Variants in FANCB observed in about 807,000 individuals in gnomAD.
FANCB encodes the protein Fanconi anemia group B protein.
In FANCB, 5 loss-of-function variants were observed where a neutral mutation model predicts 38.9. That is an observed-to-expected ratio of 0.13 (90% CI 0.07 to 0.27). The LOEUF is 0.27. FANCB is among the 10% of genes least tolerant of loss of function. FANCB has a pLI of 1.00. For synonymous variants in FANCB, 236 were observed against 215.4 expected (o/e 1.10, Z -0.84); for missense variants, 573 against 602.7 (o/e 0.95, Z 0.52).
At chrX:14,761,182 T>C in the FANCB span, among the ~76,000 whole-genome samples, 1 of 111,651 alleles carries the variant, frequency 9.0e-6, no homozygotes, top group African/African-American at 3.3e-5. Flanking sequence ...ATTTTTTATT[T>C]TGTAGAGATA....
chrX:14,834,806 A>C, downstream of FANCB: 1 of 556,612 alleles, frequency 1.8e-6, no homozygotes, highest in African/African-American at 2.2e-5. Context: ...CAGTTTCCTC[A>C]TCATCAAAAT....
the FANCB span, among the ~76,000 whole-genome samples, chrX:14,732,365 A>G: frequency 1.1e-4 from 12 of 112,205 alleles, no homozygotes; most frequent in Non-Finnish European, 2.1e-4. Flanking sequence ...GTATCTTTAT[A>G]GCAGAATGAT....
intron 1 of FANCB, among the ~76,000 whole-genome samples, chrX:14,871,312 G>A (rs1183354746): frequency 9.0e-6 from 1 of 111,605 alleles, no homozygotes; most frequent in Non-Finnish European, 1.9e-5. Flanking sequence ...TTAAAGGTGT[G>A]AGTGAGATCA....
the FANCB span, among the ~76,000 whole-genome samples, chrX:14,819,564 T>C: frequency 9.0e-6 from 1 of 111,614 alleles, no homozygotes; most frequent in African/African-American, 3.3e-5. Flanking sequence ...CAGAGGAACC[T>C]GGTTTTTGTT....
chrX:14,690,747 T>C, the FANCB span: 2 of 1,204,097 alleles, frequency 1.7e-6, no homozygotes, highest in Non-Finnish European at 2.2e-6. Flanking sequence ...TGGATGGCGG[T>C]GTGCCTTCTG....
chrX:14,844,648 C>T lies in FANCB; in HGVS notation c.2020G>A (p.Val674Met). Residue 674 changes from valine (V) to methionine (M), a missense_variant, in exon 9 of 10, where the codon GTG becomes ATG. Physicochemically the swap from Val to Met is conservative, Grantham distance 21. Transcript: ENST00000650831. ...CATTTCATATGTTCTAAGAGCCACACCTTCATTGAATTCAGGGCATAGCCG... is the reference window on the plus strand; with the variant it reads ...CATTTCATATGTTCTAAGAGCCACATCTTCATTGAATTCAGGGCATAGCCG... ...SPGYALNSMK[V>M]WLLEHMKCEI... 2 of 1,209,468 alleles carry T rather than the reference C, an allele frequency of 1.7e-6. No individual in the cohort carries two copies. The highest frequency in any genetic ancestry group is 4.6e-4 in the Middle Eastern group (2 of 4,351).
Position 14,850,717 on chromosome X carries a change from G to A in FANCB, c.1327-43C>T, listed in dbSNP as rs147731293. On this transcript the variant is annotated intron_variant, in intron 6 of 9. Transcript: ENST00000650831. The stretch of plus-strand genomic sequence containing the variant: ...AATAACTGATTATAAAATACGTACC[G>A]TCTGTAGCAAAACTAAAAAAAAAAA... 1.5e-3 allele frequency: 1,268 copies of A among 839,986 alleles called. 10 individuals carry two copies. The East Asian group carries it at 0.026, about 18-fold the overall frequency. 69.2% of individuals were successfully genotyped at this position (839,986 alleles called of 1,213,427 possible).
Position 14,844,996 on chromosome X carries a change from G to A in FANCB, c.1787C>T (p.Thr596Ile). The A allele has an allele frequency of 8.3e-7, 1 of 1,208,492 alleles. No individual in the cohort carries two copies. Among genetic ancestry groups the A allele is most frequent in the Non-Finnish European group, 1.1e-6 (1 of 892,596 alleles). ...PLLTFSKFCC[T>I]VLLQIMERES... ...TCTCTCCATAATTTGTAGCAGTACA[G>A]TGCAACAAAATTTACTGAATGTTAA... The change falls in exon 8 of 10, where the codon ACT becomes ATT. Residue 596 changes from threonine to isoleucine, a missense_variant. Coordinates refer to ENST00000650831, the MANE Select transcript of FANCB (RefSeq NM_001018113.3).
chrX:14,832,956 A>G (rs1172665342), downstream of FANCB, among the ~76,000 whole-genome samples: 1 of 112,268 alleles, frequency 8.9e-6, no homozygotes, highest in Non-Finnish European at 1.9e-5. Context: ...CTTAATGAAT[A>G]AAGGATATTA....
chrX:14,734,974 A>C, the FANCB span, among the ~76,000 whole-genome samples: 1 of 104,293 alleles, frequency 9.6e-6, no homozygotes, highest in South Asian at 4.4e-4. Context: ...TTATTTCATT[A>C]AGTTGATCTT....
the FANCB span, among the ~76,000 whole-genome samples, chrX:14,763,744 G>A: frequency 8.9e-6 from 1 of 111,749 alleles, no homozygotes; most frequent in Non-Finnish European, 1.9e-5. Flanking sequence ...ACAACTTTCA[G>A]TTTCTTCCAG....
In FANCB at chrX:14,850,562, T is replaced by C; in HGVS notation, c.1439A>G (p.Tyr480Cys). ...DSEQLVEKIW[Y>C]RVIDDSLVVG... The stretch of plus-strand genomic sequence containing the variant: ...AACCAAGCTATCATCTATTACACGA[T>C]ACCATATCTTCTCTACTAGCTGTTC... Residue 480 changes from tyrosine to cysteine, a missense_variant, in exon 7 of 10, where the codon TAT (tyrosine) becomes TGT (cysteine). Coordinates refer to ENST00000650831, the MANE Select transcript of FANCB (RefSeq NM_001018113.3). 2 of 1,196,593 alleles carry C rather than the reference T, an allele frequency of 1.7e-6. No homozygotes were observed. Among genetic ancestry groups the C allele is most frequent in the South Asian group, 1.8e-5 (1 of 56,647 alleles).
chrX:14,699,231 C>T, the FANCB span, among the ~76,000 whole-genome samples: 3 of 111,838 alleles, frequency 2.7e-5, no homozygotes, highest in Non-Finnish European at 5.6e-5. Context: ...TACAATGCAG[C>T]CTCACCTGCA....
the FANCB span, among the ~76,000 whole-genome samples, chrX:14,817,244 A>G: frequency 8.9e-6 from 1 of 111,850 alleles, no homozygotes. Context: ...GGTCAGATAC[A>G]TTTCTCACCA....
intron 7 of FANCB, among the ~76,000 whole-genome samples, chrX:14,848,251 G>A (rs1259796757): frequency 1.8e-5 from 2 of 112,080 alleles, no homozygotes. Flanking sequence ...CTGCCAGAAC[G>A]AGCCAACAGC....
At chrX:14,765,260 A>G in the FANCB span, among the ~76,000 whole-genome samples, 11 of 111,617 alleles carry the variant, frequency 9.9e-5, no homozygotes, top group Non-Finnish European at 1.9e-5. Flanking sequence ...CAACTTTAGG[A>G]GAGACCCTAA....
the FANCB span, among the ~76,000 whole-genome samples, chrX:14,717,876 A>G: frequency 9.0e-6 from 1 of 111,017 alleles, no homozygotes; most frequent in African/African-American, 3.3e-5. Flanking sequence ...TATGGTTCAG[A>G]TACTTATTTT....
the FANCB span, among the ~76,000 whole-genome samples, chrX:14,777,230 T>C: frequency 8.9e-6 from 1 of 112,284 alleles, no homozygotes. Flanking sequence ...CAAAAGCCTC[T>C]CTTAAATGAA....
At chrX:14,690,311 TG>T in the FANCB span, among the ~76,000 whole-genome samples, 2 of 112,411 alleles carry the variant, frequency 1.8e-5, no homozygotes, top group Non-Finnish European at 3.8e-5. Context: ...AAGTAAAAAT[TG>T]TATATATTTA....
Sources: allele counts gnomAD v4.1 joint callset (sites outside exome capture counted in the v4.1 genomes callset), GRCh38; gene constraint gnomAD v4.1.1; transcripts MANE v1.5; gene names NCBI Gene and HGNC (gene_info 2026-07-23, HGNC 2026-07-21).